GPR179: variants seen among roughly 807,000 people sequenced by gnomAD.
The protein encoded by GPR179 is probable G protein-coupled receptor 179.
Under a neutral mutation model 70.8 loss-of-function variants are expected in GPR179, and 52 were observed. The ratio of observed to expected loss-of-function variants is 0.73; its 90% CI spans 0.59 to 0.93. The LOEUF (loss-of-function observed/expected upper bound fraction) is 0.93. Among genes scored for constraint, GPR179 ranks in the 40% least tolerant of loss-of-function variants. The pLI is 0.00. For missense variants in GPR179, 2,734 were observed against 2,966.8 expected (o/e 0.92, Z 1.82); for synonymous variants, 1,123 against 1,169.0 (o/e 0.96, Z 0.80).
chr17:38,327,078 C>T lies in GPR179; in HGVS notation c.6491G>A (p.Gly2164Glu), dbSNP rs1249735936. Residue 2164 changes from glycine to glutamate, a missense_variant, in exon 11 of 11, where the codon GGG (glycine) becomes GAG (glutamate). Gly to Glu is a moderately conservative substitution (Grantham distance 98). Transcript: ENST00000616987. ...EMFLQKAGPG[G>E]TEEHFSKAAA... ...TGCTTTTGAGAAGTGTTCTTCCGTC[C>T]CTCCAGGTCCTGCCTTCTGAAGGAA... The T allele has an allele frequency of 2.5e-6, 4 of 1,614,100 alleles. No homozygotes were observed. Among genetic ancestry groups the T allele is most frequent in the Non-Finnish European group, 3.4e-6 (4 of 1,180,054 alleles).
chr17:38,329,665 C>T lies in GPR179; in HGVS notation c.3904G>A (p.Val1302Met), dbSNP rs376435608. ...EARGKSEPID[V>M]VPMMRKKPER... ...GGCTTTTTCCGCATCATGGGAACCA[C>T]ATCTATGGGCTCTGATTTTCCCCGG... The change falls in exon 11 of 11, where the codon GTG becomes ATG. Residue 1302 changes from valine to methionine, a missense_variant. By Grantham distance (21) the Val-to-Met change is conservative (BLOSUM62 1). Transcript: ENST00000616987. 6 of 1,614,224 alleles carry T rather than the reference C, an allele frequency of 3.7e-6. No individual in the cohort carries two copies. The highest frequency in any genetic ancestry group is 5.1e-6 in the Non-Finnish European group (6 of 1,180,054).
Position 38,328,762 on chromosome 17 carries a change from C to T in GPR179, c.4807G>A (p.Glu1603Lys). ...GGCACCTGTGCTGATGTCCATTCCT[C>T]TCTTGTTCTTTCATTTACCTCCCAG... ...CPWEVNERTR[E>K]EWTSAQVPRG... is the part of the protein sequence containing the mutation. The change falls in exon 11 of 11, where the codon GAG becomes AAG. Residue 1603 changes from glutamate to lysine, a missense_variant. Glu to Lys is a moderately conservative substitution (Grantham distance 56). Coordinates refer to ENST00000616987, the MANE Select transcript of GPR179 (RefSeq NM_001004334.4). 6.2e-7 allele frequency: 1 copy of T among 1,614,122 alleles called. No homozygotes were observed. The highest frequency in any genetic ancestry group is 1.3e-5 in the African/African-American group (1 of 75,020).
intron 5 of GPR179, 104 bp from the exon 6 acceptor site, chr17:38,335,804 C>T: frequency 2.7e-6 from 2 of 751,122 alleles, no homozygotes; most frequent in East Asian, 2.6e-5. Flanking sequence ...TGCAATAGAG[C>T]CATCACCACC....
In GPR179 at chr17:38,337,145, GC is replaced by G; in HGVS notation, c.1059del (p.Leu354CysfsTer44). 6.2e-7 allele frequency: 1 copy of G among 1,612,820 alleles called. No homozygotes were observed. Among genetic ancestry groups the G allele is most frequent in the Non-Finnish European group, 8.5e-7 (1 of 1,179,590 alleles). The stretch of plus-strand genomic sequence containing the variant: ...CCCTCAGGACATGGCAGACACTGCA[GC>G]AGTCTCCCAGATCTGCCTTCTGGGA... ...FGFPEGRSGRLLQCLPCPEGC... is the reference protein window; with the variant it reads ...FGFPEGRSGRXLQCLPCPEGC... On this transcript the variant is annotated frameshift_variant, in exon 4 of 11. Transcript: ENST00000616987. LOFTEE classifies it high-confidence loss of function.
Position 38,339,219 on chromosome 17 carries a change from G to A in GPR179, c.903+198C>T, listed in dbSNP as rs539600931. 7 of 531,596 alleles carry A rather than the reference G, an allele frequency of 1.3e-5. No homozygotes were observed. The East Asian group carries it at 2.3e-4, about 17-fold the overall frequency. 32.9% of individuals were successfully genotyped at this position (531,596 alleles called of 1,614,324 possible). ...AGGGCAGGAGCAGGAGGAATAGGGGGTGGGGGGGCAGGCTGTAGGTGACCT... is the reference window on the plus strand; with the variant it reads ...AGGGCAGGAGCAGGAGGAATAGGGGATGGGGGGGCAGGCTGTAGGTGACCT... On this transcript the variant is annotated intron_variant, in intron 2 of 10. Coordinates refer to ENST00000616987, the MANE Select transcript of GPR179 (RefSeq NM_001004334.4).
chr17:38,338,580 A>G (rs924058657), intron 2 of GPR179, among the ~76,000 whole-genome samples: 1 of 152,204 alleles, frequency 6.6e-6, no homozygotes, highest in Non-Finnish European at 1.5e-5. Context: ...GTCTGGGTTA[A>G]ACAGTGAACT....
chr17:38,330,187 G>C lies in GPR179; in HGVS notation c.3382C>G (p.Arg1128Gly), dbSNP rs200796486. ...TTGGGCCGGCCTAGCCTGGGCGATCGGGAGGGTGCCCCCATACTCTCTCCC... is the reference window on the plus strand; with the variant it reads ...TTGGGCCGGCCTAGCCTGGGCGATCCGGAGGGTGCCCCCATACTCTCTCCC... ...TAGESMGAPS[R>G]SPRLGRPKAV... is the part of the protein sequence containing the mutation. Residue 1128 changes from arginine (R) to glycine (G), a missense_variant, in exon 11 of 11, where the codon CGA becomes GGA. Coordinates refer to ENST00000616987, the MANE Select transcript of GPR179 (RefSeq NM_001004334.4). 14 of 1,568,912 alleles carry C rather than the reference G, an allele frequency of 8.9e-6. No homozygotes were observed. Among genetic ancestry groups the C allele is most frequent in the Non-Finnish European group, 1.1e-5 (13 of 1,157,120 alleles).
In GPR179 at chr17:38,343,833, G is replaced by A. The variant is rs779726730; in HGVS notation, c.-44C>T. The A allele has an allele frequency of 7.0e-7, 1 of 1,435,874 alleles. No homozygotes were observed. The highest frequency in any genetic ancestry group is 1.5e-5 in the South Asian group (1 of 67,794). The allele number at this position is 1,435,874 out of a possible 1,614,324, so 88.9% of individuals were successfully genotyped here. On this transcript the variant is annotated 5_prime_UTR_variant, in exon 1 of 11. Coordinates refer to ENST00000616987, the MANE Select transcript of GPR179 (RefSeq NM_001004334.4). The surrounding 1 kb of genome is among the most constrained non-coding windows in gnomAD (Gnocchi z 4.2). ...GACCCTGGGGTCCAGGCTCAGGAGA[G>A]CCCAGGCAGAGGCTGGCTGCAGTCT...
chr17:38,342,915 G>A, intron 1 of GPR179, 81 bp downstream of exon 1: 1 of 1,378,380 alleles, frequency 7.3e-7, no homozygotes, highest in East Asian at 2.3e-5. Flanking sequence ...GTGCCAAATG[G>A]CCCAGGCACA....
At position 38,330,082 on chromosome 17, in the gene GPR179, T is replaced by G; in HGVS notation, c.3487A>C (p.Arg1163=). ...TCCCGTTGACAGACTTGGAGCATCCTGCTGGTGTGAGCGTTCTGTTGGTTC... is the reference window on the plus strand; with the variant it reads ...TCCCGTTGACAGACTTGGAGCATCCGGCTGGTGTGAGCGTTCTGTTGGTTC... ...LQNQQNAHTS[R]MLQVCQREGS... The change falls in exon 11 of 11, where the codon AGG becomes CGG. Residue 1163 remains arginine (R), a synonymous_variant. Coordinates refer to ENST00000616987, the MANE Select transcript of GPR179 (RefSeq NM_001004334.4). 1 of 1,614,024 alleles carries G rather than the reference T, an allele frequency of 6.2e-7. No individual in the cohort carries two copies. The highest frequency in any genetic ancestry group is 8.5e-7 in the Non-Finnish European group (1 of 1,179,888).
chr17:38,329,582 T>C lies in GPR179; in HGVS notation c.3987A>G (p.Gly1329=), dbSNP rs759431096. 2 of 1,613,668 alleles carry C rather than the reference T, an allele frequency of 1.2e-6. No individual in the cohort carries two copies. The highest frequency in any genetic ancestry group is 2.7e-5 in the African/African-American group (2 of 74,830). The change falls in exon 11 of 11, where the codon GGA becomes GGG. Residue 1329 remains glycine (G), a synonymous_variant. Coordinates refer to ENST00000616987, the MANE Select transcript of GPR179 (RefSeq NM_001004334.4). ...GAGGAGCTGACCCAGGGGACAGACC[T>C]CCTCGATCGGCACTCTCCCAGGGAC... ...AVCPWESADR[G]GLSPGSAPQD...
intron 10 of GPR179, among the ~76,000 whole-genome samples, chr17:38,332,474 C>T (rs1008055103): frequency 2.0e-5 from 3 of 152,170 alleles, no homozygotes; most frequent in Non-Finnish European, 4.4e-5. Flanking sequence ...GAAGAACTTC[C>T]TCTAAGACCT....
Position 38,334,785 on chromosome 17 carries a change from A to G in GPR179, c.1703T>C (p.Leu568Pro), listed in dbSNP as rs1036575214. Residue 568 changes from leucine to proline, a missense_variant, in exon 8 of 11, where the codon CTC (leucine) becomes CCC (proline). Physicochemically the swap from Leu to Pro is moderately conservative, Grantham distance 98 (BLOSUM62 -3). Transcript: ENST00000616987. The surrounding 1 kb of genome is among the most constrained non-coding windows in gnomAD (Gnocchi z 4.7). Reference protein sequence around the residue: ...SFLCYATRAVLSAFHEPRYMG... With the variant: ...SFLCYATRAVPSAFHEPRYMG... The stretch of plus-strand genomic sequence containing the variant: ...GTAGCGTGGCTCATGGAAGGCCGAG[A>G]GCACAGCCCGTGTGGCGTAGCAGAG... 2.5e-6 allele frequency: 4 copies of G among 1,613,502 alleles called. No individual in the cohort carries two copies. Among genetic ancestry groups the G allele is most frequent in the Non-Finnish European group, 2.5e-6 (3 of 1,180,000 alleles).
Position 38,327,133 on chromosome 17 carries a change from C to T in GPR179, c.6436G>A (p.Glu2146Lys). 6.2e-7 allele frequency: 1 copy of T among 1,614,264 alleles called. No homozygotes were observed. The highest frequency in any genetic ancestry group is 8.5e-7 in the Non-Finnish European group (1 of 1,180,044). ...TCTCCTTGCCCTTGTGATTCTCTTT[C>T]CTGTTCCCCTTCCTCTGCTGCTCCT... ...GGGAAEEGEQ[E>K]RESQGQGEMF... Residue 2146 changes from glutamate to lysine, a missense_variant, in exon 11 of 11, where the codon GAA (glutamate) becomes AAA (lysine). Physicochemically the swap from Glu to Lys is moderately conservative, Grantham distance 56 (BLOSUM62 1). Transcript: ENST00000616987.
In GPR179 at chr17:38,331,006, TGG is replaced by T. The variant is rs2037352400; in HGVS notation, c.2561_2562del (p.Ala854GlufsTer68). The T allele has an allele frequency of 6.2e-7, 1 of 1,611,490 alleles. No homozygotes were observed. Among genetic ancestry groups the T allele is most frequent in the Non-Finnish European group, 8.5e-7 (1 of 1,179,952 alleles). On this transcript the variant is annotated frameshift_variant, in exon 11 of 11. Coordinates refer to ENST00000616987, the MANE Select transcript of GPR179 (RefSeq NM_001004334.4). LOFTEE classifies it low-confidence loss of function (END_TRUNC). ...TAGGTCTCCTCCAGGTAGGCCTGGC[TGG>T]CCATGAGCAAGGCCTTTTCCCTGGA... ...ASSREKALLM[A>X]SQAYLEETYR...
chr17:38,337,772 A>G, intron 2 of GPR179, 52 bp from the exon 3 acceptor site: 1 of 1,510,048 alleles, frequency 6.6e-7, no homozygotes, highest in Non-Finnish European at 9.2e-7. Flanking sequence ...TCTCTGGAAG[A>G]GCTTTCCCTC....
intron 2 of GPR179, among the ~76,000 whole-genome samples, chr17:38,338,621 C>T (rs2037425638): frequency 6.6e-6 from 1 of 152,236 alleles, no homozygotes; most frequent in Admixed American, 6.5e-5. Context: ...CATCCCTCCA[C>T]CTCTAGCTGC....
Position 38,327,072 on chromosome 17 carries a change from T to C in GPR179, c.6497A>G (p.Glu2166Gly). 1 of 1,614,226 alleles carries C rather than the reference T, an allele frequency of 6.2e-7. No individual in the cohort carries two copies. The highest frequency in any genetic ancestry group is 8.5e-7 in the Non-Finnish European group (1 of 1,180,036). The change falls in exon 11 of 11, where the codon GAA becomes GGA. Residue 2166 changes from glutamate (E) to glycine (G), a missense_variant. Coordinates refer to ENST00000616987, the MANE Select transcript of GPR179 (RefSeq NM_001004334.4). ...TGCTGCTGCTTTTGAGAAGTGTTCT[T>C]CCGTCCCTCCAGGTCCTGCCTTCTG... ...FLQKAGPGGT[E>G]EHFSKAAAKP...
chr17:38,329,369 C>T lies in GPR179; in HGVS notation c.4200G>A (p.Lys1400=). The change falls in exon 11 of 11, where the codon AAG becomes AAA. Residue 1400 remains lysine (K), a synonymous_variant. Coordinates refer to ENST00000616987, the MANE Select transcript of GPR179 (RefSeq NM_001004334.4). The part of the protein sequence containing the change: ...EDGKPAQEAV[K]DLPQEKQKTR... ...TTTTCTGCTTTTCCTGAGGGAGATC[C>T]TTCACTGCCTCTTGGGCTGGTTTCC... The T allele has an allele frequency of 6.2e-7, 1 of 1,614,040 alleles. No individual in the cohort carries two copies. The highest frequency in any genetic ancestry group is 1.1e-5 in the South Asian group (1 of 91,062).
Sources: allele counts gnomAD v4.1 joint callset (sites outside exome capture counted in the v4.1 genomes callset), GRCh38; gene constraint gnomAD v4.1.1; non-coding constraint Gnocchi (gnomAD v3.1); transcripts MANE v1.5; gene names NCBI Gene and HGNC (gene_info 2026-07-23, HGNC 2026-07-21).